OR1D2: variants seen among roughly 807,000 people sequenced by gnomAD.
OR1D2 encodes the protein olfactory receptor family 1 subfamily D member 2.
For missense variants in OR1D2, 357 were observed against 376.1 expected, an observed-to-expected ratio of 0.95 and a Z score of 0.42; for synonymous variants, 157 against 153.9, an observed-to-expected ratio of 1.02 and a Z score of -0.15.
At chr17:3,093,678 A>G (rs982849665) in intron 1 of OR1D2, among the ~76,000 whole-genome samples, 1 of 152,186 alleles carries the variant, frequency 6.6e-6, no homozygotes, top group Admixed American at 6.5e-5. Context: ...TATTATTGTT[A>G]TATTTAACGA....
rs538732093 is a variant in OR1D2, at chr17:3,092,954, G to A, written c.43C>T (p.Leu15=). Residue 15 remains leucine (L), a synonymous_variant, in exon 2 of 2, where the codon CTG becomes TTG. Coordinates refer to ENST00000641833, the MANE Select transcript of OR1D2 (RefSeq NM_002548.3). Reference sequence around the variant, plus strand: ...TGCTCAGGACTCTCTGACATCCCCAGGAGAAGGAACTCTGAACCTTCACTC... The same window carrying A: ...TGCTCAGGACTCTCTGACATCCCCAAGAGAAGGAACTCTGAACCTTCACTC... ...NQSEGSEFLL[L]GMSESPEQQR... The A allele has an allele frequency of 4.8e-5, 77 of 1,613,870 alleles. No individual in the cohort carries two copies. The Admixed American group carries it at 6.5e-4, about 14-fold the overall frequency.
chr17:3,090,389 G>A lies in OR1D2; in HGVS notation c.*1669C>T, dbSNP rs1001171574. 2 of 152,134 alleles carry A rather than the reference G, an allele frequency of 1.3e-5. No individual in the cohort carries two copies. Among genetic ancestry groups the A allele is most frequent in the African/African-American group, 4.8e-5 (2 of 41,424 alleles). 9.4% of individuals were successfully genotyped at this position (152,134 alleles called of 1,614,324 possible). On this transcript the variant is annotated 3_prime_UTR_variant, in exon 2 of 2. Coordinates refer to ENST00000641833, the MANE Select transcript of OR1D2 (RefSeq NM_002548.3). ...TTTAGTAGTTTACCTGTGTTTTTGTGTGGGTCACCATGTTTCTTCAAATGA... is the reference window on the plus strand; with the variant it reads ...TTTAGTAGTTTACCTGTGTTTTTGTATGGGTCACCATGTTTCTTCAAATGA...
chr17:3,092,292 G>A lies in OR1D2; in HGVS notation c.705C>T (p.Tyr235=), dbSNP rs748322474. 6.2e-7 allele frequency: 1 copy of A among 1,614,156 alleles called. No homozygotes were observed. The highest frequency in any genetic ancestry group is 8.5e-7 in the Non-Finnish European group (1 of 1,180,014). Residue 235 remains tyrosine, a synonymous_variant, in exon 2 of 2, where the codon TAC becomes TAT. Transcript: ENST00000641833. ...GGGAGGCACAGGTGGAGAAGGCTTT[G>A]TATTTCTTAGAGACTGAGGGTATTC... The part of the protein sequence containing the change: ...ILRIPSVSKK[Y]KAFSTCASHL...
At chr17:3,100,179 G>C (rs1467282887) in intron 1 of OR1D2, among the ~76,000 whole-genome samples, 2 of 152,136 alleles carry the variant, frequency 1.3e-5, no homozygotes, top group African/African-American at 4.8e-5. Flanking sequence ...TTTGGATCAG[G>C]TGGAGCTAAT....
intron 1 of OR1D2, among the ~76,000 whole-genome samples, chr17:3,100,083 T>C (rs1028493679): frequency 1.8e-4 from 28 of 151,998 alleles, no homozygotes; most frequent in African/African-American, 6.5e-4. Flanking sequence ...TATGCGTCTT[T>C]AAAGTGGGAG....
In OR1D2 at chr17:3,092,374, AG is replaced by A. The variant is rs748103363; in HGVS notation, c.622del (p.Leu208SerfsTer7). 3.1e-5 allele frequency: 50 copies of A among 1,614,110 alleles called. No homozygotes were observed. Among genetic ancestry groups the A allele is most frequent in the Non-Finnish European group, 4.2e-5 (49 of 1,180,048 alleles). ...VLIATGCFIF[L>X]IPFGFVIISY... is the part of the protein sequence containing the mutation. ...AATGATCACGAATCCAAAGGGAATG[AG>A]GAAGATGAAGCAGCCTGTGGCAATC... On this transcript the variant is annotated frameshift_variant, in exon 2 of 2. Transcript: ENST00000641833. LOFTEE classifies it low-confidence loss of function (END_TRUNC).
Position 3,092,421 on chromosome 17 carries a change from A to G in OR1D2, c.576T>C (p.Ile192=). 1.2e-6 allele frequency: 2 copies of G among 1,614,200 alleles called. No homozygotes were observed. Among genetic ancestry groups the G allele is most frequent in the Non-Finnish European group, 1.7e-6 (2 of 1,180,032 alleles). The change falls in exon 2 of 2, where the codon ATT becomes ATC. Residue 192 remains isoleucine (I), a synonymous_variant. Coordinates refer to ENST00000641833, the MANE Select transcript of OR1D2 (RefSeq NM_002548.3). ...YVLLRMACSN[I]QINHTVLIAT... The stretch of plus-strand genomic sequence containing the variant: ...CAATCAGCACTGTGTGATTAATCTG[A>G]ATGTTGGAACATGCCATCCTCAGCA...
rs2047816755 is a variant in OR1D2 at position 3,092,384 on chromosome 17, A to G, written c.613T>C (p.Phe205Leu). The stretch of plus-strand genomic sequence containing the variant: ...AATCCAAAGGGAATGAGGAAGATGA[A>G]GCAGCCTGTGGCAATCAGCACTGTG... ...NHTVLIATGC[F>L]IFLIPFGFVI... is the part of the protein sequence containing the mutation. The change falls in exon 2 of 2, where the codon TTC becomes CTC. Residue 205 changes from phenylalanine to leucine, a missense_variant. Physicochemically the swap from Phe to Leu is conservative, Grantham distance 22. Coordinates refer to ENST00000641833, the MANE Select transcript of OR1D2 (RefSeq NM_002548.3). 2 of 1,614,104 alleles carry G rather than the reference A, an allele frequency of 1.2e-6. No individual in the cohort carries two copies. Among genetic ancestry groups the G allele is most frequent in the South Asian group, 1.1e-5 (1 of 91,088 alleles).
rs1450523676 is a variant in OR1D2, at chr17:3,092,286, GGCTTTGTATT to G, written c.701_710del (p.Lys234ThrfsTer24). The G allele has an allele frequency of 1.9e-6, 3 of 1,614,134 alleles. No homozygotes were observed. Among genetic ancestry groups the G allele is most frequent in the Non-Finnish European group, 2.5e-6 (3 of 1,179,998 alleles). ...CCAAATGGGAGGCACAGGTGGAGAAGGCTTTGTATTTCTTAGAGACTGAGGGTATTCTGAG... is the reference window on the plus strand; with the variant it reads ...CCAAATGGGAGGCACAGGTGGAGAAGTCTTAGAGACTGAGGGTATTCTGAG... On this transcript the variant is annotated frameshift_variant, in exon 2 of 2. Transcript: ENST00000641833. LOFTEE classifies it high-confidence loss of function.
chr17:3,096,752 A>G (rs1481628128), intron 1 of OR1D2, among the ~76,000 whole-genome samples: 1 of 152,258 alleles, frequency 6.6e-6, no homozygotes, highest in Non-Finnish European at 1.5e-5. Context: ...AGAAATGTGT[A>G]ATTCAACAAC....
At chr17:3,099,921 T>TA (rs913113513) in intron 1 of OR1D2, among the ~76,000 whole-genome samples, 9 of 151,588 alleles carry the variant, frequency 5.9e-5, no homozygotes, top group Non-Finnish European at 7.4e-5. Flanking sequence ...CCAACAAAGA[T>TA]AAAAAAAGGC....
chr17:3,102,270 G>A (rs961241881), intron 1 of OR1D2, among the ~76,000 whole-genome samples: 4 of 152,060 alleles, frequency 2.6e-5, no homozygotes, highest in African/African-American at 9.7e-5. Flanking sequence ...TGGGGTGAGG[G>A]TATATGGCAG....
In OR1D2 at chr17:3,092,987, C is replaced by T. The variant is rs1038666556; in HGVS notation, c.10G>A (p.Gly4Ser). 1 of 1,613,790 alleles carries T rather than the reference C, an allele frequency of 6.2e-7. No homozygotes were observed. The highest frequency in any genetic ancestry group is 1.7e-4 in the Middle Eastern group (1 of 6,054). The change falls in exon 2 of 2, where the codon GGC (glycine) becomes AGC (serine). Residue 4 changes from glycine to serine, a missense_variant. By Grantham distance (56) the Gly-to-Ser change is moderately conservative (BLOSUM62 0). Transcript: ENST00000641833. Reference protein sequence around the residue: MDGGNQSEGSEFLL... With the variant: MDGSNQSEGSEFLL... ...AACTCTGAACCTTCACTCTGGTTGC[C>T]TCCATCCATTTCCCCAACTCTCTTT...
At position 3,092,337 on chromosome 17, in the gene OR1D2, CA is replaced by C; in HGVS notation, c.659del (p.Leu220ArgfsTer41). 1.2e-6 allele frequency: 2 copies of C among 1,614,146 alleles called. No homozygotes were observed. Among genetic ancestry groups the C allele is most frequent in the South Asian group, 2.2e-5 (2 of 91,064 alleles). On this transcript the variant is annotated frameshift_variant, in exon 2 of 2. Transcript: ENST00000641833. LOFTEE classifies it low-confidence loss of function (END_TRUNC). ...PFGFVIISYV[L>X]IIRAILRIPS... ...GTATTCTGAGGATGGCTCTGATAAT[CA>C]GCACATAGGAAATGATCACGAATCC...
chr17:3,096,219 C>T (rs1175262130), intron 1 of OR1D2, among the ~76,000 whole-genome samples: 2 of 152,106 alleles, frequency 1.3e-5, no homozygotes, highest in Non-Finnish European at 2.9e-5. Flanking sequence ...AAATGGGAGA[C>T]ATAAATCTAA....
At chr17:3,097,069 CAT>C (rs1466047305) in intron 1 of OR1D2, among the ~76,000 whole-genome samples, 2 of 152,170 alleles carry the variant, frequency 1.3e-5, no homozygotes, top group Non-Finnish European at 2.9e-5. Flanking sequence ...AATTGAAAAA[CAT>C]GTTTCATTTC....
intron 1 of OR1D2, among the ~76,000 whole-genome samples, chr17:3,097,998 G>T (rs370229883): frequency 3.3e-5 from 5 of 152,238 alleles, no homozygotes; most frequent in East Asian, 1.9e-4. Context: ...TTCAGCCAGG[G>T]GCTCAGGGAC....
chr17:3,096,037 A>G (rs1324249251), intron 1 of OR1D2, among the ~76,000 whole-genome samples: 1 of 152,208 alleles, frequency 6.6e-6, no homozygotes, highest in African/African-American at 2.4e-5. Flanking sequence ...TTCTGATAAG[A>G]TGTATGTGGT....
chr17:3,093,413 C>G (rs1442948391), intron 1 of OR1D2, among the ~76,000 whole-genome samples: 2 of 152,134 alleles, frequency 1.3e-5, no homozygotes, highest in Non-Finnish European at 2.9e-5. Context: ...ATATGATGAT[C>G]TATCTGAAAA....
Sources: gnomAD v4.1 joint callset for allele counts (sites outside exome capture counted in the v4.1 genomes callset) on GRCh38, gnomAD v4.1.1 for gene constraint, MANE v1.5 for transcripts, NCBI Gene and HGNC (gene_info 2026-07-23, HGNC 2026-07-21) for gene names.